The following DSG2 variants were observed in gnomAD, a reference collection of about 807,000 sequenced individuals.
DSG2 encodes desmoglein-2.
DSG2 carries 45 observed loss-of-function variants against 75.6 expected under a neutral mutation model. The ratio of observed to expected loss-of-function variants is 0.60; its 90% CI spans 0.47 to 0.76. The LOEUF is 0.76. Among genes scored for constraint, DSG2 ranks in the 30% least tolerant of loss-of-function variants. DSG2 has a pLI of 0.00. For missense variants in DSG2, 1,267 were observed against 1,357.4 expected (o/e 0.93, Z 1.05); for synonymous variants, 429 against 483.9 (o/e 0.89, Z 1.49).
Position 31,520,900 on chromosome 18 carries a change from A to T in DSG2, c.314A>T (p.Asn105Ile). 6.2e-7 allele frequency: 1 copy of T among 1,613,948 alleles called. No individual in the cohort carries two copies. Among genetic ancestry groups the T allele is most frequent in the Non-Finnish European group, 8.5e-7 (1 of 1,179,904 alleles). Reference protein sequence around the residue: ...TEPPFGIFVFNKDTGELNVTS... With the variant: ...TEPPFGIFVFIKDTGELNVTS... Reference sequence around the variant, plus strand: ...CCACCTTTTGGTATATTTGTCTTTAACAAAGATACTGGAGAACTGAATGTT... The same window carrying T: ...CCACCTTTTGGTATATTTGTCTTTATCAAAGATACTGGAGAACTGAATGTT... The change falls in exon 4 of 15, where the codon AAC becomes ATC. Residue 105 changes from asparagine to isoleucine, a missense_variant. Coordinates refer to ENST00000261590, the MANE Select transcript of DSG2 (RefSeq NM_001943.5).
At chr18:31,509,676 A>C (rs2073056721) in intron 1 of DSG2, among the ~76,000 whole-genome samples, 1 of 152,232 alleles carries the variant, frequency 6.6e-6, no homozygotes, top group South Asian at 2.1e-4. Context: ...TCCAACATAA[A>C]TCTGACCCAC....
At position 31,524,902 on chromosome 18, in the gene DSG2, A is replaced by T; in HGVS notation, c.1014+14A>T. On this transcript the variant is annotated intron_variant, in intron 8 of 14. Coordinates refer to ENST00000261590, the MANE Select transcript of DSG2 (RefSeq NM_001943.5). ...ACCCTTATTAAGGTAAGTACTAAGT[A>T]TTCAAAACTGGCGTGGGCCAAGTTG... 1.2e-6 allele frequency: 2 copies of T among 1,613,856 alleles called. No homozygotes were observed. Among genetic ancestry groups the T allele is most frequent in the South Asian group, 2.2e-5 (2 of 91,066 alleles).
At chr18:31,531,342 C>T in intron 9 of DSG2, 90 bp downstream of exon 9, 3 of 1,451,742 alleles carry the variant, frequency 2.1e-6, no homozygotes, top group Non-Finnish European at 2.9e-6. Flanking sequence ...ACACTTCATT[C>T]CTTCAAATCC....
In DSG2 at chr18:31,515,347, C is replaced by T. The variant is rs1279104221; in HGVS notation, c.46-2892C>T. Among the ~76,000 whole-genome samples, 5 of 152,098 alleles carry T rather than the reference C, an allele frequency of 3.3e-5. No individual in the cohort carries two copies. In the South Asian group the frequency reaches 6.3e-4, roughly 19 times the overall value. Reference sequence around the variant, plus strand: ...GTCTCGATCATCAGACCTCATGATCCGCCTGCCTCGGCCTCCCTAAGTGCT... The same window carrying T: ...GTCTCGATCATCAGACCTCATGATCTGCCTGCCTCGGCCTCCCTAAGTGCT... On this transcript the variant is annotated intron_variant, in intron 1 of 14. Coordinates refer to ENST00000261590, the MANE Select transcript of DSG2 (RefSeq NM_001943.5).
chr18:31,536,347 C>T lies in DSG2; in HGVS notation c.1569C>T (p.His523=). ...VNVTAEDLDG[H]PNSGPFSFSV... ...TTACTGCAGAGGACCTGGATGGACA[C>T]CCAAACAGTGGCCCTTTCAGTTTCT... Residue 523 remains histidine (H), a synonymous_variant, in exon 11 of 15, where the codon CAC becomes CAT. Transcript: ENST00000261590. The T allele has an allele frequency of 1.2e-6, 2 of 1,614,160 alleles. No homozygotes were observed. Among genetic ancestry groups the T allele is most frequent in the Non-Finnish European group, 1.7e-6 (2 of 1,180,038 alleles).
intron 8 of DSG2, among the ~76,000 whole-genome samples, chr18:31,528,688 A>C (rs1393244360): frequency 6.7e-6 from 1 of 149,848 alleles, no homozygotes; most frequent in African/African-American, 2.5e-5. Context: ...CCAGCCTAAG[A>C]GACAGAGCAA....
rs1395651300 is a variant in DSG2, at chr18:31,542,689, T to G, written c.2171T>G (p.Leu724Arg). Reference protein sequence around the residue: ...MDGRWEEHRSLLSGRATQFTG... With the variant: ...MDGRWEEHRSRLSGRATQFTG... ...GGAAGGTGGGAAGAACACAGAAGCC[T>G]GCTTTCTGGTAGAGCTACCCAGTTT... The change falls in exon 14 of 15, where the codon CTG becomes CGG. Residue 724 changes from leucine (L) to arginine (R), a missense_variant. By Grantham distance (102) the Leu-to-Arg change is moderately radical (BLOSUM62 -2). Coordinates refer to ENST00000261590, the MANE Select transcript of DSG2 (RefSeq NM_001943.5). The G allele has an allele frequency of 6.2e-7, 1 of 1,614,086 alleles. No homozygotes were observed. The highest frequency in any genetic ancestry group is 8.5e-7 in the Non-Finnish European group (1 of 1,180,046).
chr18:31,514,207 C>G (rs1359492618), intron 1 of DSG2, among the ~76,000 whole-genome samples: 2 of 152,074 alleles, frequency 1.3e-5, no homozygotes, highest in Non-Finnish European at 2.9e-5. Context: ...TGTACAGCAG[C>G]TATTTAAGAT....
chr18:31,535,207 A>G, intron 9 of DSG2, 63 bp from the exon 10 acceptor site: 1 of 1,042,220 alleles, frequency 9.6e-7, no homozygotes, highest in Non-Finnish European at 1.5e-6. Flanking sequence ...AAAGAGCTGT[A>G]GATGTTAGAG....
At chr18:31,503,840 G>T (rs1259811302) in intron 1 of DSG2, among the ~76,000 whole-genome samples, 1 of 152,098 alleles carries the variant, frequency 6.6e-6, no homozygotes, top group East Asian at 1.9e-4. Flanking sequence ...TTGTCACAGT[G>T]CCTGAGGATG....
intron 8 of DSG2, among the ~76,000 whole-genome samples, chr18:31,530,256 G>A (rs1259821603): frequency 6.6e-6 from 1 of 152,028 alleles, no homozygotes; most frequent in Non-Finnish European, 1.5e-5. Context: ...AGCTATATTA[G>A]AGGGACAGAG....
At chr18:31,514,223 C>T (rs2073081706) in intron 1 of DSG2, among the ~76,000 whole-genome samples, 1 of 152,138 alleles carries the variant, frequency 6.6e-6, no homozygotes, top group African/African-American at 2.4e-5. Context: ...AAGATGTTAA[C>T]ATATGAGGAA....
At position 31,542,743 on chromosome 18, in the gene DSG2, C is replaced by T; in HGVS notation, c.2225C>T (p.Thr742Ile). Residue 742 changes from threonine to isoleucine, a missense_variant, in exon 14 of 15, where the codon ACT becomes ATT. Physicochemically the swap from Thr to Ile is moderately conservative, Grantham distance 89. Coordinates refer to ENST00000261590, the MANE Select transcript of DSG2 (RefSeq NM_001943.5). ...GGGGCCACAGGCGCTATCATGACCA[C>T]TGAAACCACGAAGACCGCAAGGGCC... ...FTGATGAIMT[T>I]ETTKTARATG... 1 of 1,614,148 alleles carries T rather than the reference C, an allele frequency of 6.2e-7. No homozygotes were observed. Among genetic ancestry groups the T allele is most frequent in the African/African-American group, 1.3e-5 (1 of 75,048 alleles).
intron 1 of DSG2, among the ~76,000 whole-genome samples, chr18:31,506,505 C>G (rs573182972): frequency 4.6e-5 from 7 of 152,288 alleles, no homozygotes; most frequent in African/African-American, 1.4e-4. Context: ...AATTGCCTGT[C>G]GGTTAATTTC....
chr18:31,524,992 T>A, intron 8 of DSG2, 104 bp downstream of exon 8: 3 of 1,057,526 alleles, frequency 2.8e-6, no homozygotes, highest in South Asian at 1.3e-5. Context: ...CATATTCAAT[T>A]AACTAGCACT....
intron 1 of DSG2, among the ~76,000 whole-genome samples, chr18:31,502,787 A>G (rs1031472596): frequency 6.6e-6 from 1 of 151,816 alleles, no homozygotes; most frequent in African/African-American, 2.4e-5. Flanking sequence ...AAAGGAAGGG[A>G]GGGAGGGAGG....
intron 9 of DSG2, 122 bp from the exon 10 acceptor site, chr18:31,535,148 A>G: frequency 1.3e-6 from 1 of 752,786 alleles, no homozygotes; most frequent in Non-Finnish European, 2.2e-6. Flanking sequence ...AACATTCAAA[A>G]CAAATGCCTG....
chr18:31,525,688 A>G (rs555665881), intron 8 of DSG2, among the ~76,000 whole-genome samples: 1 of 152,358 alleles, frequency 6.6e-6, no homozygotes, highest in Non-Finnish European at 1.5e-5. Flanking sequence ...TTCATTGGGC[A>G]GGTTTCAGGA....
In DSG2 at chr18:31,531,203, G is replaced by A. The variant is rs2073196622; in HGVS notation, c.1231G>A (p.Gly411Arg). 1 of 1,614,028 alleles carries A rather than the reference G, an allele frequency of 6.2e-7. No individual in the cohort carries two copies. The highest frequency in any genetic ancestry group is 1.3e-5 in the African/African-American group (1 of 74,918). Residue 411 changes from glycine to arginine, a missense_variant, in exon 9 of 15, where the codon GGA becomes AGA. Physicochemically the swap from Gly to Arg is moderately radical, Grantham distance 125. Transcript: ENST00000261590. Reference sequence around the variant, plus strand: ...TAGATCAAGCAAAGGCCAAATAATTGGAAATTTTCAAGCTTTTGATGAGGA... The same window carrying A: ...TAGATCAAGCAAAGGCCAAATAATTAGAAATTTTCAAGCTTTTGATGAGGA... ...MDRSSKGQII[G>R]NFQAFDEDTG...
Sources: allele counts gnomAD v4.1 joint callset (sites outside exome capture counted in the v4.1 genomes callset), GRCh38; gene constraint gnomAD v4.1.1; transcripts MANE v1.5; gene names NCBI Gene and HGNC (gene_info 2026-07-23, HGNC 2026-07-21).